RPSA: variants seen among roughly 807,000 people sequenced by gnomAD.
RPSA encodes small ribosomal subunit protein uS2.
For missense variants in RPSA, 140 were observed against 372.8 expected (o/e 0.38, Z 5.14); for synonymous variants, 103 against 126.7 (o/e 0.81, Z 1.25).
rs956225974 is a variant in RPSA at position 39,408,805 on chromosome 3, C to T, written c.252+81C>T. 14 of 907,076 alleles carry T rather than the reference C, an allele frequency of 1.5e-5. No individual in the cohort carries two copies. In the African/African-American group the frequency reaches 2.0e-4, roughly 13 times the overall value. The allele number at this position is 907,076 out of a possible 1,614,324, so 56.2% of individuals were successfully genotyped here. ...TGAGACATAGAAAGACATAAGAAAA[C>T]AGAAATAACTCAGGCCGGGCGCGGT... On this transcript the variant is annotated intron_variant, in intron 3 of 6. Coordinates refer to ENST00000301821, the MANE Select transcript of RPSA (RefSeq NM_002295.6).
At chr3:39,407,453 C>T (rs2041935359) in intron 1 of RPSA, 168 bp from the exon 2 acceptor site, 2 of 654,916 alleles carry the variant, frequency 3.1e-6, no homozygotes, top group Non-Finnish European at 5.6e-6. Flanking sequence ...GTAAGATGTG[C>T]GCTGTTCCGT....
chr3:39,410,699 G>T lies in RPSA; in HGVS notation c.253-55G>T. ...CAGTGCCCAGAAGTGCTTACTGGGTGCCAGGATTGTTGCTGTGGAATATCG... is the reference window on the plus strand; with the variant it reads ...CAGTGCCCAGAAGTGCTTACTGGGTTCCAGGATTGTTGCTGTGGAATATCG... On this transcript the variant is annotated intron_variant, in intron 3 of 6. Transcript: ENST00000301821. 1.9e-6 allele frequency: 3 copies of T among 1,612,194 alleles called. No homozygotes were observed. The South Asian group carries it at 3.3e-5, about 18-fold the overall frequency.
chr3:39,407,597 A>G, intron 1 of RPSA, 24 bp from the exon 2 acceptor site: 1 of 1,565,464 alleles, frequency 6.4e-7, no homozygotes, highest in Non-Finnish European at 8.7e-7. Context: ...GAATGAAAAG[A>G]AATAGGTTGC....
chr3:39,407,112 C>G (rs1225230494), intron 1 of RPSA: 1 of 413,262 alleles, frequency 2.4e-6, no homozygotes, highest in Admixed American at 3.0e-5. Context: ...CTGATTTACA[C>G]CAGCTACTTG....
rs767452979 is a variant in RPSA at position 39,411,788 on chromosome 3, C to T, written c.627+11C>T. The T allele has an allele frequency of 1.3e-6, 2 of 1,599,712 alleles. No individual in the cohort carries two copies. Among genetic ancestry groups the T allele is most frequent in the Non-Finnish European group, 1.7e-6 (2 of 1,179,932 alleles). On this transcript the variant is annotated intron_variant, in intron 5 of 6. Coordinates refer to ENST00000301821, the MANE Select transcript of RPSA (RefSeq NM_002295.6). ...AGAGATCCTGAAGAGGTAAGCTTCTCCAAAGGCTTGTGGTTACATAAGCAA... is the reference window on the plus strand; with the variant it reads ...AGAGATCCTGAAGAGGTAAGCTTCTTCAAAGGCTTGTGGTTACATAAGCAA...
rs143902304 is a variant in RPSA, at chr3:39,409,605, A to G, written c.252+881A>G. Among the ~76,000 whole-genome samples the G allele has an allele frequency of 3.9e-4, 60 of 152,332 alleles. 1 individual carries two copies. In the East Asian group the frequency reaches 0.01, roughly 26 times the overall value. On this transcript the variant is annotated intron_variant, in intron 3 of 6. Coordinates refer to ENST00000301821, the MANE Select transcript of RPSA (RefSeq NM_002295.6). ...CACTAAATATCTAGAAATTCTATTA[A>G]AGTGGCTTATCACATTTTCCCATAG... is the stretch of plus-strand genomic sequence containing the variant.
At chr3:39,411,071 C>T (rs764499306) in intron 4 of RPSA, 72 bp downstream of exon 4, 4 of 1,570,054 alleles carry the variant, frequency 2.5e-6, no homozygotes, top group Non-Finnish European at 3.5e-6. Context: ...ATTGTTAGAG[C>T]TTGGAGTTGA....
rs373011867 is a variant in RPSA, at chr3:39,409,055, G to A, written c.252+331G>A. The A allele has an allele frequency of 2.0e-4, 39 of 197,012 alleles. No homozygotes were observed. The South Asian group carries it at 2.2e-3, about 11-fold the overall frequency. The allele number at this position is 197,012 out of a possible 1,614,324, so 12.2% of individuals were successfully genotyped here. A position where few individuals can be genotyped will look rare whatever the true frequency, so the allele number is the denominator to read the frequency against. On this transcript the variant is annotated intron_variant, in intron 3 of 6. Coordinates refer to ENST00000301821, the MANE Select transcript of RPSA (RefSeq NM_002295.6). ...AGCTGAGATGCGCCACTGTACTCCA[G>A]CCTGGGTGACAGAGCCGAGACTCTG...
At chr3:39,407,855 G>C in intron 2 of RPSA, 69 bp downstream of exon 2, 1 of 1,292,982 alleles carries the variant, frequency 7.7e-7, no homozygotes, top group Non-Finnish European at 1.1e-6. Context: ...TATTCTCGTG[G>C]TTAGTTCTGG....
intron 1 of RPSA, chr3:39,407,030 C>T (rs1181940598): frequency 2.0e-5 from 9 of 454,582 alleles, no homozygotes; most frequent in Non-Finnish European, 4.0e-5. Flanking sequence ...GGCGGGAGTG[C>T]AGAAAGCGGG....
chr3:39,409,502 G>A (rs2041974488), intron 3 of RPSA, among the ~76,000 whole-genome samples: 1 of 152,196 alleles, frequency 6.6e-6, no homozygotes, highest in Non-Finnish European at 1.5e-5. Context: ...CGCCCAGCCT[G>A]TAAGACCTTT....
Position 39,409,327 on chromosome 3 carries a change from G to T in RPSA, c.252+603G>T, listed in dbSNP as rs993393287. Among the ~76,000 whole-genome samples, 3 of 151,236 alleles carry T rather than the reference G, an allele frequency of 2.0e-5. No individual in the cohort carries two copies. The East Asian group carries it at 5.9e-4, about 30-fold the overall frequency. ...AGGGATTCTCCTGCCTCATCCTCCC[G>T]AGTAGCTGGAATTACAGGCATGTGC... On this transcript the variant is annotated intron_variant, in intron 3 of 6. Transcript: ENST00000301821.
At chr3:39,407,456 T>C in intron 1 of RPSA, 165 bp from the exon 2 acceptor site, 1 of 664,988 alleles carries the variant, frequency 1.5e-6, no homozygotes, top group Non-Finnish European at 2.7e-6. Flanking sequence ...AGATGTGCGC[T>C]GTTCCGTAAT....
Position 39,410,736 on chromosome 3 carries a change from CTT to C in RPSA, c.253-15_253-14del, listed in dbSNP as rs778407045. ...GCTGTGGAATATCGAGTACCACTAACTTTTAAATTCTTCAAAGAGGGCTGTGC... is the reference window on the plus strand; with the variant it reads ...GCTGTGGAATATCGAGTACCACTAACTTAAATTCTTCAAAGAGGGCTGTGC... On this transcript the variant is annotated splice_polypyrimidine_tract_variant and intron_variant, in intron 3 of 6. Coordinates refer to ENST00000301821, the MANE Select transcript of RPSA (RefSeq NM_002295.6). 71 of 1,613,894 alleles carry C rather than the reference CTT, an allele frequency of 4.4e-5. No individual in the cohort carries two copies. The highest frequency in any genetic ancestry group is 5.8e-5 in the Non-Finnish European group (68 of 1,179,840).
Position 39,412,009 on chromosome 3 carries a change from C to G in RPSA, c.741C>G (p.Asp247Glu). 2 of 1,607,250 alleles carry G rather than the reference C, an allele frequency of 1.2e-6. No homozygotes were observed. The highest frequency in any genetic ancestry group is 1.7e-6 in the Non-Finnish European group (2 of 1,179,900). Residue 247 changes from aspartate to glutamate, a missense_variant, in exon 6 of 7, where the codon GAC becomes GAG. By Grantham distance (45) the Asp-to-Glu change is conservative (BLOSUM62 2). Transcript: ENST00000301821. ...CTGCTACTCAGCCTGAGGTTGCAGA[C>G]TGGTCTGAAGGTGTACAGGTGCCCT... Reference protein sequence around the residue: ...EFTATQPEVADWSEGVQVPSV... With the variant: ...EFTATQPEVAEWSEGVQVPSV...
chr3:39,408,351 A>C, intron 2 of RPSA: 1 of 671,962 alleles, frequency 1.5e-6, no homozygotes, highest in East Asian at 3.0e-5. Context: ...AGTACAGGGA[A>C]AGAGAAAGGA....
chr3:39,409,167 T>TA (rs1402308798), intron 3 of RPSA, among the ~76,000 whole-genome samples: 2 of 143,438 alleles, frequency 1.4e-5, no homozygotes, highest in African/African-American at 5.0e-5. Flanking sequence ...AAATCGCCCT[T>TA]ATGACCTATG....
intron 2 of RPSA, 180 bp downstream of exon 2, chr3:39,407,966 G>A (rs762889465): frequency 2.8e-5 from 16 of 577,220 alleles, no homozygotes; most frequent in Non-Finnish European, 4.9e-5. Context: ...TTCTGCTCCA[G>A]GGGAGGAATA....
intron 4 of RPSA, chr3:39,411,383 T>C: frequency 1.8e-6 from 1 of 560,782 alleles, no homozygotes; most frequent in Non-Finnish European, 3.2e-6. Flanking sequence ...TGGTTCAGAT[T>C]GGTTGATTTG....
Sources: allele counts gnomAD v4.1 joint callset (sites outside exome capture counted in the v4.1 genomes callset), GRCh38; gene constraint gnomAD v4.1.1; transcripts MANE v1.5; gene names NCBI Gene and HGNC (gene_info 2026-07-23, HGNC 2026-07-21).